IL1RAPL1: variants seen among roughly 807,000 people sequenced by gnomAD.
IL1RAPL1 encodes interleukin 1 receptor accessory protein like 1.
In IL1RAPL1, 3 loss-of-function variants were observed where a neutral mutation model predicts 48.4. That is an observed-to-expected ratio of 0.06 (90% CI 0.03 to 0.16). The LOEUF is 0.16. IL1RAPL1 is among the 10% of genes least tolerant of loss of function. IL1RAPL1 has a pLI of 1.00. For missense variants in IL1RAPL1, 349 were observed against 530.6 expected (o/e 0.66, Z 3.36); for synonymous variants, 185 against 187.7 (o/e 0.99, Z 0.12).
chrX:29,729,451 C>G (rs188774815), intron 6 of IL1RAPL1, among the ~76,000 whole-genome samples: 20 of 111,555 alleles, frequency 1.8e-4, no homozygotes, highest in African/African-American at 6.5e-4. Context: ...TCTTCTTTCC[C>G]CTCTCCTCTA....
At chrX:29,493,871 T>C (rs1419746079) in intron 5 of IL1RAPL1, among the ~76,000 whole-genome samples, 5 of 110,603 alleles carry the variant, frequency 4.5e-5, no homozygotes, top group African/African-American at 1.6e-4. Flanking sequence ...TCTTTGTCCA[T>C]CTTTATGTCC....
At chrX:29,277,196 A>G (rs1023571397) in intron 2 of IL1RAPL1, among the ~76,000 whole-genome samples, 2 of 112,012 alleles carry the variant, frequency 1.8e-5, no homozygotes, top group African/African-American at 6.5e-5. Context: ...TTGTAGGATG[A>G]CGTGCATCTG....
intron 9 of IL1RAPL1, among the ~76,000 whole-genome samples, chrX:29,951,443 A>G (rs1389162129): frequency 8.9e-6 from 1 of 111,763 alleles, no homozygotes; most frequent in Non-Finnish European, 1.9e-5. Context: ...TTAAGCCACC[A>G]TAACACATGA....
intron 6 of IL1RAPL1, among the ~76,000 whole-genome samples, chrX:29,895,467 G>T (rs958981284): frequency 1.8e-5 from 2 of 112,332 alleles, no homozygotes; most frequent in African/African-American, 6.5e-5. Context: ...CAGGAGAATT[G>T]CTTGGAGGTG....
chrX:29,661,826 T>A (rs1375951078), intron 5 of IL1RAPL1, among the ~76,000 whole-genome samples: 1 of 111,673 alleles, frequency 9.0e-6, no homozygotes, highest in Non-Finnish European at 1.9e-5. Flanking sequence ...TAAATTTTGT[T>A]AGTTCTACTT....
At chrX:28,628,221 A>G (rs1311143257) in intron 1 of IL1RAPL1, among the ~76,000 whole-genome samples, 1 of 112,047 alleles carries the variant, frequency 8.9e-6, no homozygotes, top group African/African-American at 3.2e-5. Context: ...CTTAAAGGGT[A>G]GGCTCAGGAC....
chrX:29,415,419 GT>G (rs1267597289), intron 5 of IL1RAPL1, among the ~76,000 whole-genome samples: 43 of 103,500 alleles, frequency 4.2e-4, no homozygotes, highest in Non-Finnish European at 5.0e-4. Context: ...TAACCATTTT[GT>G]TTTTTTTTTT....
chrX:28,816,833 G>A (rs938405035), intron 2 of IL1RAPL1, among the ~76,000 whole-genome samples: 3 of 110,427 alleles, frequency 2.7e-5, no homozygotes, highest in African/African-American at 9.8e-5. Context: ...GCTTTCCACA[G>A]TGGCTGAACT....
chrX:28,767,752 C>T (rs2147254683), intron 1 of IL1RAPL1, among the ~76,000 whole-genome samples: 1 of 108,578 alleles, frequency 9.2e-6, no homozygotes, highest in Admixed American at 9.9e-5. Context: ...TGTGCATGCA[C>T]ATGTGTGTTC....
At chrX:29,942,893 T>C (rs1933154930) in intron 9 of IL1RAPL1, among the ~76,000 whole-genome samples, 1 of 111,167 alleles carries the variant, frequency 9.0e-6, no homozygotes, top group Admixed American at 9.6e-5. Context: ...AGTGCTGGGA[T>C]TACAGGCACG....
intron 1 of IL1RAPL1, among the ~76,000 whole-genome samples, chrX:28,591,314 C>T (rs1223632479): frequency 8.9e-6 from 1 of 111,941 alleles, no homozygotes; most frequent in Non-Finnish European, 1.9e-5. Flanking sequence ...ATGTTTGCAA[C>T]ATATGTGAAC....
intron 6 of IL1RAPL1, among the ~76,000 whole-genome samples, chrX:29,891,343 T>C (rs1932273164): frequency 8.9e-6 from 1 of 112,190 alleles, no homozygotes; most frequent in African/African-American, 3.2e-5. Flanking sequence ...TTCTGGACTT[T>C]CCCTTGATTC....
At chrX:29,746,106 C>T (rs1928330792) in intron 6 of IL1RAPL1, among the ~76,000 whole-genome samples, 1 of 111,212 alleles carries the variant, frequency 9.0e-6, no homozygotes, top group South Asian at 3.8e-4. Flanking sequence ...TCTGAGTTCC[C>T]CAAATAAGAG....
chrX:29,451,640 A>G (rs1934681579), intron 5 of IL1RAPL1, among the ~76,000 whole-genome samples: 1 of 111,854 alleles, frequency 8.9e-6, no homozygotes, highest in Admixed American at 9.5e-5. Context: ...ATATATGTAC[A>G]CATACATGTA....
At chrX:29,833,174 AC>A (rs778215429) in intron 6 of IL1RAPL1, among the ~76,000 whole-genome samples, 13 of 111,871 alleles carry the variant, frequency 1.2e-4, no homozygotes, top group Non-Finnish European at 2.3e-4. Flanking sequence ...TTCCAGAAGT[AC>A]CTTATGAATA....
intron 2 of IL1RAPL1, among the ~76,000 whole-genome samples, chrX:29,015,705 C>T (rs1180726586): frequency 9.1e-6 from 1 of 110,297 alleles, no homozygotes; most frequent in Non-Finnish European, 1.9e-5. Flanking sequence ...AAGTTCATCT[C>T]GGTAACTCAA....
chrX:28,975,605 G>A (rs184928799), intron 2 of IL1RAPL1, among the ~76,000 whole-genome samples: 1 of 112,233 alleles, frequency 8.9e-6, no homozygotes, highest in African/African-American at 3.2e-5. Flanking sequence ...ATCTGCACAT[G>A]TTCCTGAACA....
At chrX:29,405,479 G>A (rs1276689500) in intron 5 of IL1RAPL1, among the ~76,000 whole-genome samples, 1 of 97,438 alleles carries the variant, frequency 1.0e-5, no homozygotes, top group Non-Finnish European at 2.0e-5. Context: ...CCATTCTCCT[G>A]CCTCAGCCTC....
At chrX:29,103,388 A>G (rs1011754056) in intron 2 of IL1RAPL1, among the ~76,000 whole-genome samples, 11 of 111,939 alleles carry the variant, frequency 9.8e-5, no homozygotes, top group East Asian at 2.8e-4. Context: ...CATCTCTTCA[A>G]TAAGTGGTGG....
Sources: allele counts gnomAD v4.1 joint callset (sites outside exome capture counted in the v4.1 genomes callset), GRCh38; gene constraint gnomAD v4.1.1; transcripts MANE v1.5; gene names NCBI Gene and HGNC (gene_info 2026-07-23, HGNC 2026-07-21).